TANGO2: variants seen among roughly 807,000 people sequenced by gnomAD.
TANGO2 encodes transport and golgi organization 2 homolog.
TANGO2 carries 26 observed loss-of-function variants against 39.1 expected under a neutral mutation model. The observed-to-expected ratio is 0.67, with a 90% CI of 0.49 to 0.92. The LOEUF (loss-of-function observed/expected upper bound fraction) is 0.92, where lower values mean the gene tolerates loss of function less well. Among genes scored for constraint, TANGO2 ranks in the 40% least tolerant of loss-of-function variants. TANGO2 has a pLI of 0.00. For synonymous variants in TANGO2, 131 were observed against 144.5 expected (o/e 0.91, Z 0.67); for missense variants, 326 against 360.1 (o/e 0.91, Z 0.77).
Position 20,057,580 on chromosome 22 carries a change from A to T in TANGO2, c.451+1567A>T, listed in dbSNP as rs1047750837. Reference sequence around the variant, plus strand: ...TCCCAAGAGCTGGGCAGTGGCACAGACACAGAGACTACCAGCGAGGCAGGG... The same window carrying T: ...TCCCAAGAGCTGGGCAGTGGCACAGTCACAGAGACTACCAGCGAGGCAGGG... On this transcript the variant is annotated intron_variant, in intron 6 of 8. Transcript: ENST00000327374. The surrounding 1 kb of genome is among the most constrained non-coding windows in gnomAD (Gnocchi z 4.1). Among the ~76,000 whole-genome samples the T allele has an allele frequency of 6.6e-6, 1 of 152,186 alleles. No homozygotes were observed. The highest frequency in any genetic ancestry group is 1.5e-5 in the Non-Finnish European group (1 of 68,028).
intron 6 of TANGO2, 154 bp downstream of exon 6, chr22:20,056,167 G>T (rs1256238297): frequency 2.8e-6 from 2 of 721,226 alleles, no homozygotes; most frequent in Non-Finnish European, 5.0e-6. Context: ...ACCTTGCCCT[G>T]CACCTGGACA....
At chr22:20,040,494 G>A (rs1006353900) in intron 2 of TANGO2, among the ~76,000 whole-genome samples, 1 of 152,224 alleles carries the variant, frequency 6.6e-6, no homozygotes, top group Non-Finnish European at 1.5e-5. Context: ...CGTGGAAGCA[G>A]AGGAGGAAGG....
intron 1 of TANGO2, among the ~76,000 whole-genome samples, chr22:20,031,308 A>G (rs541287914): frequency 6.6e-6 from 1 of 152,292 alleles, no homozygotes; most frequent in East Asian, 1.9e-4. Context: ...GCAGTGAGCT[A>G]TGATCACACG....
At chr22:20,063,229 C>A in intron 7 of TANGO2, 109 bp from the exon 8 acceptor site, 1 of 786,960 alleles carries the variant, frequency 1.3e-6, no homozygotes, top group Non-Finnish European at 2.1e-6. Context: ...CCTTGCAGTT[C>A]CCCGGCCACT....
At position 20,065,016 on chromosome 22, in the gene TANGO2, C is replaced by G; in HGVS notation, c.*354C>G. ...CAAGCACACACATGCAAGCCATATACATGGACACCGACACAGGCACATGTA... is the reference window on the plus strand; with the variant it reads ...CAAGCACACACATGCAAGCCATATAGATGGACACCGACACAGGCACATGTA... On this transcript the variant is annotated 3_prime_UTR_variant, in exon 9 of 9. Coordinates refer to ENST00000327374, the MANE Select transcript of TANGO2 (RefSeq NM_152906.7). 1 of 250,238 alleles carries G rather than the reference C, an allele frequency of 4.0e-6. No homozygotes were observed. The highest frequency in any genetic ancestry group is 6.4e-5 in the South Asian group (1 of 15,682). 15.5% of individuals were successfully genotyped at this position (250,238 alleles called of 1,614,324 possible).
intron 5 of TANGO2, chr22:20,055,633 G>A (rs1343668947): frequency 4.3e-6 from 2 of 459,814 alleles, no homozygotes; most frequent in African/African-American, 3.9e-5. Flanking sequence ...TGTCCCCATG[G>A]GCAGCCTCTG....
At position 20,021,185 on chromosome 22, in the gene TANGO2, C is replaced by T. The variant is rs1214958935; in HGVS notation, c.-101C>T. The stretch of plus-strand genomic sequence containing the variant: ...CGACTCCGCTAGTGGCCCGGCCGGC[C>T]TGGGCTCGGGGGCTCCGGGCTCTGG... On this transcript the variant is annotated 5_prime_UTR_variant, in exon 1 of 9. Coordinates refer to ENST00000327374, the MANE Select transcript of TANGO2 (RefSeq NM_152906.7). The T allele has an allele frequency of 2.0e-5, 3 of 152,180 alleles. No homozygotes were observed. Among genetic ancestry groups the T allele is most frequent in the Admixed American group, 6.5e-5 (1 of 15,284 alleles). The allele number at this position is 152,180 out of a possible 1,614,324, so 9.4% of individuals were successfully genotyped here.
chr22:20,031,766 C>T (rs1239693508), intron 1 of TANGO2, among the ~76,000 whole-genome samples: 1 of 152,214 alleles, frequency 6.6e-6, no homozygotes, highest in African/African-American at 2.4e-5. Flanking sequence ...TATGAGAGAG[C>T]AGAAGGCAGC....
chr22:20,027,554 T>C (rs1441478129), intron 1 of TANGO2, among the ~76,000 whole-genome samples: 1 of 151,948 alleles, frequency 6.6e-6, no homozygotes, highest in Non-Finnish European at 1.5e-5. Context: ...CACATGTGTG[T>C]GCAAGCAGGT....
chr22:20,030,503 C>T (rs975799823), intron 1 of TANGO2, among the ~76,000 whole-genome samples: 15 of 152,156 alleles, frequency 9.9e-5, no homozygotes, highest in African/African-American at 1.9e-4. Context: ...CCCGCCACCA[C>T]GCCCGGCTAA....
At chr22:20,062,212 G>T (rs2048510563) in intron 7 of TANGO2, among the ~76,000 whole-genome samples, 1 of 152,194 alleles carries the variant, frequency 6.6e-6, no homozygotes, top group African/African-American at 2.4e-5. Flanking sequence ...TTGCCCGTAG[G>T]CCTCAAGGCC....
intron 3 of TANGO2, among the ~76,000 whole-genome samples, chr22:20,047,454 C>T (rs369600753): frequency 2.0e-5 from 3 of 151,990 alleles, no homozygotes; most frequent in East Asian, 1.9e-4. Context: ...AGGCTGGTCT[C>T]GAACTCTTGA....
intron 3 of TANGO2, among the ~76,000 whole-genome samples, chr22:20,050,504 C>T (rs2147450648): frequency 6.7e-6 from 1 of 148,832 alleles, no homozygotes; most frequent in East Asian, 2.1e-4. Flanking sequence ...GCTGGAACTA[C>T]AGGTGCCTGC....
At chr22:20,055,740 C>G in intron 5 of TANGO2, 2 of 613,792 alleles carry the variant, frequency 3.3e-6, no homozygotes, top group South Asian at 3.8e-5. Flanking sequence ...GGAACATACC[C>G]GTGATGCTGG....
intron 3 of TANGO2, among the ~76,000 whole-genome samples, chr22:20,046,071 C>T (rs1362753808): frequency 6.6e-6 from 1 of 152,076 alleles, no homozygotes; most frequent in Non-Finnish European, 1.5e-5. Flanking sequence ...CTGTGTAGCT[C>T]CTTCCTCTCT....
chr22:20,022,743 G>A (rs1237114320), intron 1 of TANGO2, among the ~76,000 whole-genome samples: 1 of 152,268 alleles, frequency 6.6e-6, no homozygotes. Context: ...ACCCAAGGGT[G>A]CTGCTTCTGA....
intron 2 of TANGO2, among the ~76,000 whole-genome samples, chr22:20,037,460 G>A (rs531197588): frequency 2.6e-5 from 4 of 152,288 alleles, no homozygotes; most frequent in South Asian, 4.1e-4. Context: ...AAAATGAAAC[G>A]TGTAACCACT....
chr22:20,026,600 G>T (rs1375370685), intron 1 of TANGO2, among the ~76,000 whole-genome samples: 2 of 152,266 alleles, frequency 1.3e-5, no homozygotes, highest in African/African-American at 4.8e-5. Flanking sequence ...GATGGCTAGG[G>T]AGAAAACAGT....
chr22:20,040,582 C>G (rs770546835), intron 2 of TANGO2, among the ~76,000 whole-genome samples: 1 of 152,220 alleles, frequency 6.6e-6, no homozygotes, highest in Non-Finnish European at 1.5e-5. Flanking sequence ...CATCCCAGAC[C>G]CTGGCACATC....
Sources: allele counts gnomAD v4.1 joint callset (sites outside exome capture counted in the v4.1 genomes callset), GRCh38; gene constraint gnomAD v4.1.1; non-coding constraint Gnocchi (gnomAD v3.1); transcripts MANE v1.5; gene names NCBI Gene and HGNC (gene_info 2026-07-23, HGNC 2026-07-21).